MKLN1: variants seen among roughly 807,000 people sequenced by gnomAD.
MKLN1 encodes the protein muskelin 1, also known as muskelin.
MKLN1 carries 18 observed loss-of-function variants against 99.0 expected under a neutral mutation model. The ratio of observed to expected loss-of-function variants is 0.18; its 90% CI spans 0.13 to 0.27. The LOEUF (loss-of-function observed/expected upper bound fraction) is 0.27. Among genes scored for constraint, MKLN1 ranks in the 10% least tolerant of loss-of-function variants. MKLN1 has a pLI of 1.00. For missense variants in MKLN1, 621 were observed against 875.9 expected (o/e 0.71, Z 3.67); for synonymous variants, 288 against 293.2 (o/e 0.98, Z 0.18).
intron 1 of MKLN1, among the ~76,000 whole-genome samples, chr7:131,363,124 G>GT (rs1486760056): frequency 1.3e-5 from 2 of 151,776 alleles, no homozygotes; most frequent in African/African-American, 2.4e-5. Context: ...TTTTCCTGTA[G>GT]TTTTAGAAGG....
intron 12 of MKLN1, among the ~76,000 whole-genome samples, chr7:131,460,423 T>C (rs1446058026): frequency 6.6e-6 from 1 of 152,260 alleles, no homozygotes; most frequent in Non-Finnish European, 1.5e-5. Flanking sequence ...CAAGGTCTTG[T>C]ATAAGTGCAC....
chr7:131,288,033 C>G (rs1167646912), intron 3 of MKLN1, among the ~76,000 whole-genome samples: 1 of 152,154 alleles, frequency 6.6e-6, no homozygotes, highest in East Asian at 1.9e-4. Context: ...TATAAATTGC[C>G]CAGGTTCCAG....
intron 1 of MKLN1, among the ~76,000 whole-genome samples, chr7:131,111,138 T>A (rs1439796): frequency 0.71 from 108,498 of 152,052 alleles, 40,390 homozygotes; most frequent in Non-Finnish European, 0.85. Flanking sequence ...TCATTTTTTT[T>A]ATGTCAGTCA....
chr7:131,420,427 G>A (rs941148464), intron 8 of MKLN1, among the ~76,000 whole-genome samples: 4 of 152,118 alleles, frequency 2.6e-5, no homozygotes, highest in African/African-American at 9.7e-5. Context: ...GTTTTGACCT[G>A]AGCAATTAGA....
chr7:131,437,396 A>G (rs528337087), intron 9 of MKLN1, among the ~76,000 whole-genome samples: 1 of 152,318 alleles, frequency 6.6e-6, no homozygotes, highest in South Asian at 2.1e-4. Context: ...AAATGTTCAT[A>G]AAGACCAAAC....
At chr7:131,299,875 T>C (rs897147619) in intron 3 of MKLN1, among the ~76,000 whole-genome samples, 5 of 152,138 alleles carry the variant, frequency 3.3e-5, no homozygotes, top group Non-Finnish European at 7.4e-5. Flanking sequence ...CCTCTAAAAA[T>C]AGAATGCTAT....
At chr7:131,204,119 A>G (rs1264357586) in intron 3 of MKLN1, among the ~76,000 whole-genome samples, 1 of 152,178 alleles carries the variant, frequency 6.6e-6, no homozygotes, top group Non-Finnish European at 1.5e-5. Context: ...TCTCTTCCCC[A>G]GACCGCCTTG....
At chr7:131,143,570 A>G (rs1795772681) in intron 2 of MKLN1, among the ~76,000 whole-genome samples, 1 of 152,232 alleles carries the variant, frequency 6.6e-6, no homozygotes, top group African/African-American at 2.4e-5. Flanking sequence ...TCATGCGTGT[A>G]ATCCTAGTGT....
chr7:131,461,961 C>T (rs1448981078), intron 12 of MKLN1, among the ~76,000 whole-genome samples: 1 of 152,070 alleles, frequency 6.6e-6, no homozygotes, highest in Non-Finnish European at 1.5e-5. Flanking sequence ...AAAAATACAG[C>T]ATTATTAACT....
At chr7:131,342,746 G>T (rs1454757746) in intron 1 of MKLN1, among the ~76,000 whole-genome samples, 2 of 152,120 alleles carry the variant, frequency 1.3e-5, no homozygotes, top group Non-Finnish European at 2.9e-5. Flanking sequence ...ATACATCTAG[G>T]TCTGAAAGTT....
intron 3 of MKLN1, among the ~76,000 whole-genome samples, chr7:131,234,231 C>T (rs1175792379): frequency 2.0e-5 from 3 of 152,142 alleles, no homozygotes; most frequent in Non-Finnish European, 2.9e-5. Context: ...CCGCCTGCCT[C>T]GGCCTCCCAA....
At chr7:131,450,923 G>T (rs1471029416) in intron 12 of MKLN1, among the ~76,000 whole-genome samples, 2 of 151,996 alleles carry the variant, frequency 1.3e-5, no homozygotes, top group Non-Finnish European at 2.9e-5. Flanking sequence ...ACACAGACTT[G>T]TTCATGATTT....
intron 3 of MKLN1, among the ~76,000 whole-genome samples, chr7:131,220,726 G>T (rs1012966534): frequency 6.6e-6 from 1 of 152,068 alleles, no homozygotes; most frequent in Admixed American, 6.6e-5. Context: ...AGAATTAGAG[G>T]TCTAAAAAAC....
At chr7:131,270,144 G>T (rs951550690) in intron 3 of MKLN1, among the ~76,000 whole-genome samples, 1 of 151,890 alleles carries the variant, frequency 6.6e-6, no homozygotes, top group Non-Finnish European at 1.5e-5. Context: ...GGATGGTCTC[G>T]ATCTCCCGAC....
intron 1 of MKLN1, among the ~76,000 whole-genome samples, chr7:131,130,414 C>T (rs1795531918): frequency 6.6e-6 from 1 of 152,178 alleles, no homozygotes; most frequent in African/African-American, 2.4e-5. Flanking sequence ...CTCTCATTTC[C>T]TTATCTACCA....
At chr7:131,190,397 G>A (rs1045453038) in intron 2 of MKLN1, among the ~76,000 whole-genome samples, 1 of 151,382 alleles carries the variant, frequency 6.6e-6, no homozygotes, top group African/African-American at 2.4e-5. Flanking sequence ...GAGCAAGACA[G>A]TCAGCAGAAC....
chr7:131,391,669 A>G (rs1217373015), intron 4 of MKLN1, among the ~76,000 whole-genome samples: 1 of 152,136 alleles, frequency 6.6e-6, no homozygotes, highest in Non-Finnish European at 1.5e-5. Context: ...TCCTTTCTTA[A>G]GTTACCTTTT....
chr7:131,205,079 C>A (rs1584832435), intron 3 of MKLN1, among the ~76,000 whole-genome samples: 1 of 149,606 alleles, frequency 6.7e-6, no homozygotes, highest in East Asian at 2.0e-4. Context: ...GCCTGGGCAA[C>A]AGAACAAGAC....
chr7:131,396,124 G>C (rs1794352173), intron 4 of MKLN1, among the ~76,000 whole-genome samples: 1 of 152,080 alleles, frequency 6.6e-6, no homozygotes. Flanking sequence ...CCAGGCTGGA[G>C]TACAGTGGTG....
Sources: allele counts gnomAD v4.1 joint callset (sites outside exome capture counted in the v4.1 genomes callset), GRCh38; gene constraint gnomAD v4.1.1; transcripts MANE v1.5; gene names NCBI Gene and HGNC (gene_info 2026-07-23, HGNC 2026-07-21).